HOXA3: variants seen among roughly 807,000 people sequenced by gnomAD.
HOXA3 encodes the protein homeobox protein Hox-A3.
HOXA3 carries 8 observed loss-of-function variants against 30.3 expected under a neutral mutation model. The ratio of observed to expected loss-of-function variants is 0.26; its 90% CI spans 0.15 to 0.48. The LOEUF is 0.48. HOXA3 is among the 20% of genes least tolerant of loss of function. The pLI, the probability that HOXA3 is intolerant of heterozygous loss-of-function variation, is 0.99. For missense variants in HOXA3, 653 were observed against 614.4 expected, an observed-to-expected ratio of 1.06 and a Z score of -0.66; for synonymous variants, 323 against 273.1, an observed-to-expected ratio of 1.18 and a Z score of -1.80.
rs1024687293 is a variant in HOXA3, at chr7:27,108,880, G to A, written c.527-160C>T. 1.3e-5 allele frequency among the ~76,000 whole-genome samples: 2 copies of A among 151,940 alleles called. No individual in the cohort carries two copies. The highest frequency in any genetic ancestry group is 6.6e-5 in the Admixed American group (1 of 15,266). ...CTAGGTGCTATCCTCTCTCCTGGTG[G>A]GTAAAACAGTGATACTCCCTCATTT... is the stretch of plus-strand genomic sequence containing the variant. On this transcript the variant is annotated intron_variant, in intron 5 of 5. Coordinates refer to ENST00000612286, the MANE Select transcript of HOXA3 (RefSeq NM_153631.3). This position sits in a 1 kb window ranked among gnomAD's most constrained non-coding sequence, Gnocchi z 5.0.
chr7:27,145,917 C>A (rs755736796), intron 1 of HOXA3: 1 of 1,612,308 alleles, frequency 6.2e-7, no homozygotes, highest in African/African-American at 1.3e-5. Flanking sequence ...ATACACAGCA[C>A]CTACGAGCAG....
chr7:27,141,927 T>C (rs1782584635), intron 1 of HOXA3: 5 of 1,614,134 alleles, frequency 3.1e-6, no homozygotes, highest in Non-Finnish European at 4.2e-6. Flanking sequence ...TGGAACCAGA[T>C]TTTAATTTGT....
chr7:27,144,109 G>A (rs1432483850), intron 1 of HOXA3, among the ~76,000 whole-genome samples: 1 of 152,238 alleles, frequency 6.6e-6, no homozygotes, highest in African/African-American at 2.4e-5. Context: ...GGGGGGAGGT[G>A]GTGACTTGCA....
At chr7:27,143,543 T>C (rs143040629) in intron 1 of HOXA3, 8 of 1,612,386 alleles carry the variant, frequency 5.0e-6, no homozygotes, top group African/African-American at 1.3e-5. Flanking sequence ...TCCATAATTA[T>C]GCAACTGGTA....
chr7:27,107,812 A>C lies in HOXA3; in HGVS notation c.*103T>G. 1 of 757,510 alleles carries C rather than the reference A, an allele frequency of 1.3e-6. No individual in the cohort carries two copies. The highest frequency in any genetic ancestry group is 2.0e-6 in the Non-Finnish European group (1 of 496,656). 46.9% of individuals were successfully genotyped at this position (757,510 alleles called of 1,614,324 possible). A position where few individuals can be genotyped will look rare whatever the true frequency, so the allele number is the denominator to read the frequency against. ...GGCGGAGAAGAGAGAAAAGGAAGGA[A>C]GGAAAGGGCAGGAAGAACCTAAAAA... is the stretch of plus-strand genomic sequence containing the variant. On this transcript the variant is annotated 3_prime_UTR_variant, in exon 6 of 6. Transcript: ENST00000612286.
At chr7:27,112,839 C>T (rs1460028956) in intron 4 of HOXA3, among the ~76,000 whole-genome samples, 2 of 152,234 alleles carry the variant, frequency 1.3e-5, no homozygotes, top group Admixed American at 6.5e-5. Context: ...TCCATTATCA[C>T]GTTATACCAG....
At chr7:27,143,592 C>G (rs1782652841) in intron 1 of HOXA3, 1 of 1,597,874 alleles carries the variant, frequency 6.3e-7, no homozygotes, top group Non-Finnish European at 8.5e-7. Context: ...AATGAGTTTA[C>G]AAAATAAGAG....
intron 2 of HOXA3, among the ~76,000 whole-genome samples, chr7:27,135,241 C>A (rs961553979): frequency 1.3e-5 from 2 of 151,554 alleles, no homozygotes; most frequent in Middle Eastern, 3.2e-3. Flanking sequence ...AGAAAATATT[C>A]TATTCTGTCC....
intron 1 of HOXA3, chr7:27,151,637 G>C: frequency 2.2e-6 from 1 of 456,658 alleles, no homozygotes; most frequent in Non-Finnish European, 4.4e-6. Context: ...TCGAAAAACC[G>C]GGCGAAGGGA....
intron 2 of HOXA3, chr7:27,130,622 C>G: frequency 6.4e-7 from 1 of 1,562,712 alleles, no homozygotes; most frequent in East Asian, 2.4e-5. Context: ...CCGGGGCCCC[C>G]GCCCGGGCCG....
intron 1 of HOXA3, chr7:27,143,114 T>C (rs1021811483): frequency 6.3e-7 from 1 of 1,587,732 alleles, no homozygotes; most frequent in Non-Finnish European, 8.5e-7. Context: ...CGGGCTCGGC[T>C]CGCTCTGCGC....
intron 4 of HOXA3, chr7:27,116,154 A>G (rs1434085450): frequency 2.0e-5 from 3 of 152,614 alleles, no homozygotes; most frequent in Admixed American, 6.5e-5. Flanking sequence ...GGTTCCACCA[A>G]TTCCCCCAAA....
intron 5 of HOXA3, 61 bp downstream of exon 5, chr7:27,110,054 G>A (rs1784272368): frequency 6.3e-7 from 1 of 1,594,640 alleles, no homozygotes; most frequent in South Asian, 1.1e-5. Context: ...GATGTCGTGG[G>A]CAGTAGCTTG....
chr7:27,148,613 G>A (rs764370338), intron 1 of HOXA3, among the ~76,000 whole-genome samples: 1 of 152,212 alleles, frequency 6.6e-6, no homozygotes, highest in Non-Finnish European at 1.5e-5. Context: ...CCAGCTGGGC[G>A]TCCCCATCCC....
intron 2 of HOXA3, chr7:27,130,306 G>A (rs1297935875): frequency 9.2e-7 from 1 of 1,085,388 alleles, no homozygotes; most frequent in Non-Finnish European, 1.1e-6. Flanking sequence ...AGGCTGCAGG[G>A]GCGGCGGCAG....
chr7:27,150,999 A>G (rs1007571304), intron 1 of HOXA3: 2 of 152,350 alleles, frequency 1.3e-5, no homozygotes, highest in Non-Finnish European at 2.9e-5. Context: ...GAGCGCCAGC[A>G]CGGTCGCAAT....
intron 1 of HOXA3, chr7:27,142,793 T>G: frequency 2.3e-6 from 1 of 440,100 alleles, no homozygotes. Flanking sequence ...CCAGAGGGGT[T>G]TTTTGCTTCC....
chr7:27,118,188 A>G (rs1217168582), intron 4 of HOXA3, among the ~76,000 whole-genome samples: 1 of 152,208 alleles, frequency 6.6e-6, no homozygotes, highest in Non-Finnish European at 1.5e-5. Context: ...CTCGACTTCC[A>G]TCGGCTAGCT....
intron 1 of HOXA3, chr7:27,147,014 C>G (rs926702045): frequency 1.0e-5 from 5 of 476,428 alleles, no homozygotes; most frequent in Non-Finnish European, 1.9e-5. Context: ...TCCCCACCAG[C>G]CTCTCTCTCT....
Sources: gnomAD v4.1 joint callset for allele counts (sites outside exome capture counted in the v4.1 genomes callset) on GRCh38, gnomAD v4.1.1 for gene constraint, Gnocchi (gnomAD v3.1) non-coding constraint, MANE v1.5 for transcripts, NCBI Gene and HGNC (gene_info 2026-07-23, HGNC 2026-07-21) for gene names.